PRSS12: variants seen among roughly 807,000 people sequenced by gnomAD.
PRSS12 encodes neurotrypsin.
PRSS12 carries 85 observed loss-of-function variants against 104.4 expected under a neutral mutation model. That is an observed-to-expected ratio of 0.81 (90% confidence interval 0.68 to 0.98). The LOEUF (loss-of-function observed/expected upper bound fraction) is 0.98, where lower values mean the gene tolerates loss of function less well. Among genes scored for constraint, PRSS12 ranks in the 50% least tolerant of loss-of-function variants. The pLI is 0.00. For synonymous variants in PRSS12, 454 were observed against 425.2 expected (o/e 1.07, Z -0.83); for missense variants, 1,141 against 1,139.2 (o/e 1.00, Z -0.02).
chr4:118,294,837 CAT>C, intron 11 of PRSS12, 100 bp downstream of exon 11: 1 of 1,520,264 alleles, frequency 6.6e-7, no homozygotes, highest in Non-Finnish European at 9.1e-7. Flanking sequence ...AGCGAAAGCT[CAT>C]AGCCTGGCTC....
At chr4:118,324,869 C>T (rs1175666173) in intron 4 of PRSS12, among the ~76,000 whole-genome samples, 1 of 151,942 alleles carries the variant, frequency 6.6e-6, no homozygotes, top group Non-Finnish European at 1.5e-5. Flanking sequence ...CCCACCACCA[C>T]ACCCACTAAT....
intron 11 of PRSS12, among the ~76,000 whole-genome samples, chr4:118,288,564 T>C (rs1743061178): frequency 6.6e-6 from 1 of 152,232 alleles, no homozygotes; most frequent in African/African-American, 2.4e-5. Flanking sequence ...AGTTATATTC[T>C]TGAACAAGTC....
chr4:118,328,580 AAAC>A (rs757963321), intron 4 of PRSS12, among the ~76,000 whole-genome samples: 3 of 148,908 alleles, frequency 2.0e-5, no homozygotes, highest in Admixed American at 6.7e-5. Context: ...CTCTACATTA[AAAC>A]AACAACAAAA....
intron 1 of PRSS12, among the ~76,000 whole-genome samples, chr4:118,344,739 C>T (rs912037415): frequency 3.9e-5 from 6 of 152,104 alleles, no homozygotes; most frequent in African/African-American, 1.4e-4. Context: ...TTACAGTGTG[C>T]TGATTAGAAA....
intron 11 of PRSS12, 30 bp downstream of exon 11, chr4:118,294,909 A>C: frequency 6.2e-7 from 1 of 1,613,432 alleles, no homozygotes; most frequent in Non-Finnish European, 8.5e-7. Flanking sequence ...TAGAAGCTAC[A>C]CTAGGTTGTT....
chr4:118,325,691 G>A (rs551448562), intron 4 of PRSS12, among the ~76,000 whole-genome samples: 6 of 152,106 alleles, frequency 3.9e-5, no homozygotes, highest in South Asian at 2.1e-4. Flanking sequence ...ACAAAAACTC[G>A]TGAACTGTTC....
intron 1 of PRSS12, among the ~76,000 whole-genome samples, chr4:118,345,646 T>G (rs1203916064): frequency 6.6e-6 from 1 of 152,182 alleles, no homozygotes; most frequent in African/African-American, 2.4e-5. Flanking sequence ...TATAAATGCG[T>G]CATAATATTT....
Position 118,299,813 on chromosome 4 carries a change from A to AAAATAAAAT in PRSS12, c.1632-884_1632-876dup, listed in dbSNP as rs1560768527. ...ATAAAATAAATAAAATAAAATAAATAAAATAAAATAAAATAAAATAAAATA... is the reference window on the plus strand; with the variant it reads ...ATAAAATAAATAAAATAAAATAAATAAAATAAAATAAATAAAATAAAATAAAATAAAATA... On this transcript the variant is annotated intron_variant, in intron 8 of 12. Transcript: ENST00000296498. Among the ~76,000 whole-genome samples the AAAATAAAAT allele has an allele frequency of 2.5e-3, 236 of 94,944 alleles. 3 individuals are homozygous for AAAATAAAAT. The highest frequency in any genetic ancestry group is 4.9e-3 in the Middle Eastern group (1 of 206). 62.3% of individuals were successfully genotyped at this position (94,944 alleles called of 152,430 possible). A position where few individuals can be genotyped will look rare whatever the true frequency, so the allele number is the denominator to read the frequency against.
At chr4:118,306,867 G>A (rs925942480) in intron 8 of PRSS12, among the ~76,000 whole-genome samples, 17 of 151,996 alleles carry the variant, frequency 1.1e-4, no homozygotes, top group African/African-American at 3.9e-4. Flanking sequence ...ACTTAGCTGA[G>A]ACACACAATT....
Position 118,352,370 on chromosome 4 carries a change from G to T in PRSS12, c.351C>A (p.Pro117=), listed in dbSNP as rs1005142574. The T allele has an allele frequency of 1.3e-6, 2 of 1,560,682 alleles. No homozygotes were observed. Among genetic ancestry groups the T allele is most frequent in the East Asian group, 2.3e-5 (1 of 43,044 alleles). The change falls in exon 1 of 13, where the codon CCC becomes CCA. Residue 117 remains proline, a synonymous_variant. Transcript: ENST00000296498. The part of the protein sequence containing the change: ...APCLRWAEVP[P]FLERSPPASW... ...TCGCTGGGGGCGACCGCTCCAGGAA[G>T]GGTGGCACCTCCGCCCACCGCAGAC... is the stretch of plus-strand genomic sequence containing the variant.
chr4:118,293,489 G>C lies in PRSS12; in HGVS notation c.2039+1450C>G, dbSNP rs1411975910. Reference sequence around the variant, plus strand: ...TTTGTAAGAAAAAGGCCATAAACAAGTAAAAGGACAAGGTCCAGACTAGGA... The same window carrying C: ...TTTGTAAGAAAAAGGCCATAAACAACTAAAAGGACAAGGTCCAGACTAGGA... On this transcript the variant is annotated intron_variant, in intron 11 of 12. Coordinates refer to ENST00000296498, the MANE Select transcript of PRSS12 (RefSeq NM_003619.4). 4.6e-5 allele frequency among the ~76,000 whole-genome samples: 7 copies of C among 152,188 alleles called. No homozygotes were observed. In the East Asian group the frequency reaches 1.3e-3, roughly 29 times the overall value.
chr4:118,344,725 C>A (rs1446978819), intron 1 of PRSS12, among the ~76,000 whole-genome samples: 3 of 151,954 alleles, frequency 2.0e-5, no homozygotes, highest in Non-Finnish European at 4.4e-5. Flanking sequence ...GCAATTCTAC[C>A]CATTTACAGT....
intron 11 of PRSS12, among the ~76,000 whole-genome samples, chr4:118,292,776 G>A (rs1009911980): frequency 6.6e-6 from 1 of 152,070 alleles, no homozygotes; most frequent in Non-Finnish European, 1.5e-5. Flanking sequence ...ATCAGGCTGG[G>A]AAGCAAGGCG....
At chr4:118,349,035 C>G (rs1724426500) in intron 1 of PRSS12, among the ~76,000 whole-genome samples, 1 of 152,060 alleles carries the variant, frequency 6.6e-6, no homozygotes. Flanking sequence ...GACATCTGAG[C>G]CACTGGAACA....
chr4:118,316,841 T>A (rs371164700), intron 5 of PRSS12, among the ~76,000 whole-genome samples: 104 of 58,968 alleles, frequency 1.8e-3, no homozygotes, highest in East Asian at 5.1e-3. Context: ...AAAAAAAATA[T>A]ATATATATAT....
intron 4 of PRSS12, among the ~76,000 whole-genome samples, chr4:118,323,830 C>G (rs1016912451): frequency 1.3e-5 from 2 of 151,672 alleles, no homozygotes; most frequent in African/African-American, 4.8e-5. Context: ...TACACACACA[C>G]ACATGCACAC....
rs1201039858 is a variant in PRSS12, at chr4:118,280,297, A to G, written c.*1639T>C. 1 of 152,174 alleles carries G rather than the reference A, an allele frequency of 6.6e-6. No homozygotes were observed. The highest frequency in any genetic ancestry group is 1.9e-4 in the East Asian group (1 of 5,202). 9.4% of individuals were successfully genotyped at this position (152,174 alleles called of 1,614,324 possible). On this transcript the variant is annotated 3_prime_UTR_variant, in exon 13 of 13. Transcript: ENST00000296498. ...TTCAATAGACATTTTTCTCACCTAT[A>G]TTGCACGTTTTTCTGAAGCCCTTGT...
intron 5 of PRSS12, among the ~76,000 whole-genome samples, chr4:118,316,837 A>AATATAT (rs70941165): frequency 4.7e-4 from 47 of 99,176 alleles, no homozygotes; most frequent in East Asian, 2.3e-3. Flanking sequence ...AAAAAAAAAA[A>AATATAT]ATATATATAT....
chr4:118,313,866 A>G (rs1374123716), intron 6 of PRSS12, among the ~76,000 whole-genome samples: 1 of 152,206 alleles, frequency 6.6e-6, no homozygotes, highest in Admixed American at 6.5e-5. Context: ...TACCTAATCC[A>G]TGATTAAATT....
Sources: allele counts gnomAD v4.1 joint callset (sites outside exome capture counted in the v4.1 genomes callset), GRCh38; gene constraint gnomAD v4.1.1; transcripts MANE v1.5; gene names NCBI Gene and HGNC (gene_info 2026-07-23, HGNC 2026-07-21).